Variants in ABLIM2 observed in about 807,000 individuals in gnomAD.
ABLIM2 encodes actin-binding LIM protein 2.
Under a neutral mutation model 97.7 loss-of-function variants are expected in ABLIM2, and 53 were observed. The ratio of observed to expected loss-of-function variants is 0.54; its 90% CI spans 0.44 to 0.68. The LOEUF is 0.68. Ranked by LOEUF, ABLIM2 falls within the 30% of genes least tolerant of loss-of-function variation. The pLI is 0.00. For missense variants in ABLIM2, 835 were observed against 867.2 expected, an observed-to-expected ratio of 0.96 and a Z score of 0.47; for synonymous variants, 361 against 345.8, an observed-to-expected ratio of 1.04 and a Z score of -0.49.
chr4:8,060,875 G>T, intron 7 of ABLIM2, 92 bp downstream of exon 7: 3 of 1,142,736 alleles, frequency 2.6e-6, no homozygotes, highest in Non-Finnish European at 2.5e-6. Flanking sequence ...AGATGACACT[G>T]TCACCAACCT....
intron 6 of ABLIM2, among the ~76,000 whole-genome samples, chr4:8,063,136 G>A (rs1423493976): frequency 1.3e-5 from 2 of 152,206 alleles, no homozygotes; most frequent in Non-Finnish European, 2.9e-5. Context: ...TGCAATCTCA[G>A]CTCACTGCAA....
rs1355597026 is a variant in ABLIM2, at chr4:7,999,971, G to A, written c.1619-7044C>T. 1.3e-5 allele frequency among the ~76,000 whole-genome samples: 2 copies of A among 152,144 alleles called. No homozygotes were observed. Among genetic ancestry groups the A allele is most frequent in the Non-Finnish European group, 2.9e-5 (2 of 68,030 alleles). ...CTGGACATTCAAGGCCGGGCACCTT[G>A]TGGGCAGAGGACTGTGGCTCACACA... On this transcript the variant is annotated intron_variant, in intron 16 of 20. Transcript: ENST00000447017. The surrounding 1 kb of genome is among the most constrained non-coding windows in gnomAD (Gnocchi z 4.4).
rs73092350 is a variant in ABLIM2, at chr4:8,030,849, G to A, written c.1048-1073C>T. ...CAAGTGGCCCCTTGTGTGTTTGGCC[G>A]TCACATCGTTGGATCCAAGAGTTTG... On this transcript the variant is annotated intron_variant, in intron 10 of 20. Transcript: ENST00000447017. Among the ~76,000 whole-genome samples the A allele has an allele frequency of 6.0e-3, 909 of 152,272 alleles. 9 individuals carry two copies. Among genetic ancestry groups the A allele is most frequent in the African/African-American group, 0.02 (837 of 41,544 alleles).
At position 7,991,701 on chromosome 4, in the gene ABLIM2, G is replaced by A. The variant is rs549737085; in HGVS notation, c.1680+1165C>T. ...TTCCAGAATGGGAAGAGCAGTTCGT[G>A]GGGTGAGGGGTGTGGTTTGCTAGAT... On this transcript the variant is annotated intron_variant, in intron 17 of 20. Coordinates refer to ENST00000447017, the MANE Select transcript of ABLIM2 (RefSeq NM_001130083.2). Among the ~76,000 whole-genome samples, 21 of 152,326 alleles carry A rather than the reference G, an allele frequency of 1.4e-4. No individual in the cohort carries two copies. The South Asian group carries it at 4.3e-3, about 32-fold the overall frequency.
At position 8,002,446 on chromosome 4, in the gene ABLIM2, C is replaced by T. The variant is rs527931648; in HGVS notation, c.1618+5613G>A. Among the ~76,000 whole-genome samples, 2 of 152,356 alleles carry T rather than the reference C, an allele frequency of 1.3e-5. No individual in the cohort carries two copies. Among genetic ancestry groups the T allele is most frequent in the South Asian group, 2.1e-4 (1 of 4,830 alleles). On this transcript the variant is annotated intron_variant, in intron 16 of 20. Coordinates refer to ENST00000447017, the MANE Select transcript of ABLIM2 (RefSeq NM_001130083.2). This position sits in a 1 kb window ranked among gnomAD's most constrained non-coding sequence, Gnocchi z 6.1. The stretch of plus-strand genomic sequence containing the variant: ...TTGTGGGAGCCCTTTTCCTCTCGCC[C>T]TGACTGGGCAGCCTCCAGTCCACCG...
intron 6 of ABLIM2, among the ~76,000 whole-genome samples, chr4:8,074,352 G>A (rs375858948): frequency 2.0e-5 from 3 of 152,158 alleles, no homozygotes; most frequent in Admixed American, 6.5e-5. Context: ...CTACGTGGGA[G>A]CCTGAGGAAG....
In ABLIM2 at chr4:8,001,652, C is replaced by T. The variant is rs1757277607; in HGVS notation, c.1618+6407G>A. ...GGTCATCACTGTGGCCCCAGCTGGC[C>T]ACTCCTCCCTAACAGCCTCTGTATA... is the stretch of plus-strand genomic sequence containing the variant. On this transcript the variant is annotated intron_variant, in intron 16 of 20. Transcript: ENST00000447017. The surrounding 1 kb of genome is among the most constrained non-coding windows in gnomAD (Gnocchi z 4.2). 6.6e-6 allele frequency among the ~76,000 whole-genome samples: 1 copy of T among 152,110 alleles called. No homozygotes were observed. Among genetic ancestry groups the T allele is most frequent in the African/African-American group, 2.4e-5 (1 of 41,430 alleles).
chr4:8,153,669 G>A (rs561377661), intron 1 of ABLIM2, among the ~76,000 whole-genome samples: 22 of 152,216 alleles, frequency 1.4e-4, no homozygotes, highest in African/African-American at 3.6e-4. Context: ...GAACGGAATC[G>A]CCGGGCTTCT....
In ABLIM2 at chr4:8,029,773, C is replaced by T. The variant is rs1326212137; in HGVS notation, c.1051G>A (p.Asp351Asn). The change falls in exon 11 of 21, where the codon GAT becomes AAT. Residue 351 changes from aspartate (D) to asparagine (N), a missense_variant. Transcript: ENST00000447017. ...TGCTTGTAGGACCGGTCATCCTGATCCCCCTGGGAGGGAAGATGCAGCTTG... is the reference window on the plus strand; with the variant it reads ...TGCTTGTAGGACCGGTCATCCTGATTCCCCTGGGAGGGAAGATGCAGCTTG... Reference protein sequence around the residue: ...AGDRQSYGEGDQDDRSYKQCR... With the variant: ...AGDRQSYGEGNQDDRSYKQCR... 1.3e-6 allele frequency: 2 copies of T among 1,570,252 alleles called. No individual in the cohort carries two copies.
At chr4:8,009,685 C>T (rs374717895) in intron 14 of ABLIM2, among the ~76,000 whole-genome samples, 18 of 152,200 alleles carry the variant, frequency 1.2e-4, no homozygotes, top group African/African-American at 3.4e-4. Flanking sequence ...CATGAGCCAC[C>T]GCACCTGGCC....
chr4:8,126,797 G>A (rs1351829390), intron 1 of ABLIM2, among the ~76,000 whole-genome samples: 1 of 152,026 alleles, frequency 6.6e-6, no homozygotes, highest in Non-Finnish European at 1.5e-5. Flanking sequence ...CCGGGCGTGT[G>A]GCTCACACCT....
chr4:8,100,100 A>G (rs1432673573), intron 2 of ABLIM2, among the ~76,000 whole-genome samples: 1 of 151,858 alleles, frequency 6.6e-6, no homozygotes, highest in Non-Finnish European at 1.5e-5. Flanking sequence ...GGCTGGGGGG[A>G]AAAGATGAAT....
intron 2 of ABLIM2, 78 bp from the exon 3 acceptor site, chr4:8,097,360 C>G: frequency 4.0e-6 from 6 of 1,491,954 alleles, no homozygotes; most frequent in Non-Finnish European, 5.4e-6. Context: ...GTGCACCCCC[C>G]TCCACACACA....
rs1045917646 is a variant in ABLIM2, at chr4:8,114,901, C to A, written c.11-8264G>T. Among the ~76,000 whole-genome samples, 13 of 152,172 alleles carry A rather than the reference C, an allele frequency of 8.5e-5. No homozygotes were observed. In the East Asian group the frequency reaches 2.5e-3, roughly 29 times the overall value. On this transcript the variant is annotated intron_variant, in intron 1 of 20. Transcript: ENST00000447017. ...ACCCCAGGCCCAGGGACACTCCTCC[C>A]GGGGCCCACCCAGCTTTATTTCAGT...
chr4:7,976,210 A>C (rs1732910290), intron 20 of ABLIM2, among the ~76,000 whole-genome samples: 3 of 152,170 alleles, frequency 2.0e-5, no homozygotes, highest in Admixed American at 2.0e-4. Flanking sequence ...GGGTGTCACC[A>C]TCGCACCCGC....
At chr4:8,143,164 G>GT (rs1415320585) in intron 1 of ABLIM2, among the ~76,000 whole-genome samples, 6 of 148,946 alleles carry the variant, frequency 4.0e-5, no homozygotes, top group East Asian at 3.9e-4. Flanking sequence ...GAGAGTGGGG[G>GT]GGGGGGGCGT....
intron 1 of ABLIM2, among the ~76,000 whole-genome samples, chr4:8,129,500 A>T (rs111594460): frequency 1.3e-5 from 2 of 152,376 alleles, no homozygotes; most frequent in African/African-American, 4.8e-5. Flanking sequence ...ATATTGTTTC[A>T]TGCAATAAGA....
At chr4:8,133,689 C>T (rs1455461785) in intron 1 of ABLIM2, among the ~76,000 whole-genome samples, 2 of 152,240 alleles carry the variant, frequency 1.3e-5, no homozygotes, top group Non-Finnish European at 2.9e-5. Flanking sequence ...CTGCCCAGCT[C>T]CACCTGGGTC....
At chr4:8,121,052 G>A (rs978954201) in intron 1 of ABLIM2, among the ~76,000 whole-genome samples, 7 of 152,192 alleles carry the variant, frequency 4.6e-5, no homozygotes, top group African/African-American at 1.2e-4. Context: ...CTGTCCACAC[G>A]CCATCCCTGC....
Sources: gnomAD v4.1 joint callset for allele counts (sites outside exome capture counted in the v4.1 genomes callset) on GRCh38, gnomAD v4.1.1 for gene constraint, Gnocchi (gnomAD v3.1) non-coding constraint, MANE v1.5 for transcripts, NCBI Gene and HGNC (gene_info 2026-07-23, HGNC 2026-07-21) for gene names.